Variants in CCSER1 observed in about 807,000 individuals in gnomAD.
CCSER1 encodes the protein serine-rich coiled-coil domain-containing protein 1.
Under a neutral mutation model 82.0 loss-of-function variants are expected in CCSER1, and 41 were observed. That is an observed-to-expected ratio of 0.50 (90% confidence interval 0.39 to 0.65). The LOEUF is 0.65. CCSER1 is among the 30% of genes least tolerant of loss of function. CCSER1 has a pLI of 0.00. For synonymous variants in CCSER1, 414 were observed against 383.9 expected, an observed-to-expected ratio of 1.08 and a Z score of -0.92; for missense variants, 1,119 against 1,064.2, an observed-to-expected ratio of 1.05 and a Z score of -0.72.
At chr4:90,426,016 A>G (rs926551569) in intron 4 of CCSER1, among the ~76,000 whole-genome samples, 3 of 152,106 alleles carry the variant, frequency 2.0e-5, no homozygotes, top group Non-Finnish European at 2.9e-5. Flanking sequence ...ACGTTTTTCC[A>G]TGAAGGATAA....
rs972794114 is a variant in CCSER1, at chr4:91,299,241, A to G, written c.2217+213247A>G. Among the ~76,000 whole-genome samples, 14 of 152,164 alleles carry G rather than the reference A, an allele frequency of 9.2e-5. No individual in the cohort carries two copies. The South Asian group carries it at 2.7e-3, about 29-fold the overall frequency. Reference sequence around the variant, plus strand: ...TGATGAGATTACACTGAATTAAAGCATACTTGTTTTTCTTAATATGCTACA... The same window carrying G: ...TGATGAGATTACACTGAATTAAAGCGTACTTGTTTTTCTTAATATGCTACA... On this transcript the variant is annotated intron_variant, in intron 10 of 10. Transcript: ENST00000509176.
intron 5 of CCSER1, among the ~76,000 whole-genome samples, chr4:90,494,881 A>G (rs1768733769): frequency 6.6e-6 from 1 of 151,706 alleles, no homozygotes. Flanking sequence ...CCTTCAAAAT[A>G]CTAGTCTTTT....
At chr4:90,584,775 C>T (rs1029243457) in intron 5 of CCSER1, among the ~76,000 whole-genome samples, 2 of 151,922 alleles carry the variant, frequency 1.3e-5, no homozygotes, top group Non-Finnish European at 2.9e-5. Context: ...CTATGAAGTA[C>T]GTATTTAACC....
chr4:91,249,899 G>A (rs1362758981), intron 10 of CCSER1, among the ~76,000 whole-genome samples: 1 of 151,120 alleles, frequency 6.6e-6, no homozygotes, highest in Non-Finnish European at 1.5e-5. Context: ...GCAAATTCTT[G>A]ACACATAGTA....
At chr4:91,162,604 C>T (rs1244985969) in intron 10 of CCSER1, among the ~76,000 whole-genome samples, 1 of 152,164 alleles carries the variant, frequency 6.6e-6, no homozygotes, top group African/African-American at 2.4e-5. Context: ...GCCTCAATTT[C>T]AGAGCCTGTT....
intron 6 of CCSER1, among the ~76,000 whole-genome samples, chr4:90,693,050 A>G (rs1162543837): frequency 6.6e-6 from 1 of 151,978 alleles, no homozygotes; most frequent in East Asian, 1.9e-4. Context: ...GTTAAAACTC[A>G]GTAAAGTGTC....
chr4:90,872,512 C>T (rs1766665883), intron 8 of CCSER1, among the ~76,000 whole-genome samples: 2 of 151,992 alleles, frequency 1.3e-5, no homozygotes, highest in Middle Eastern at 3.4e-3. Flanking sequence ...TATACTGTAA[C>T]TTCATTCCAT....
Position 90,932,482 on chromosome 4 carries a change from A to G in CCSER1, c.2172+9035A>G, listed in dbSNP as rs548002933. ...TGAATGAATTATTCATAAGCCAAAG[A>G]AAGTGCTAATATAGAATGAAAAGTA... On this transcript the variant is annotated intron_variant, in intron 9 of 10. Coordinates refer to ENST00000509176, the MANE Select transcript of CCSER1 (RefSeq NM_001145065.2). Among the ~76,000 whole-genome samples, 3 of 152,246 alleles carry G rather than the reference A, an allele frequency of 2.0e-5. No homozygotes were observed. The South Asian group carries it at 6.2e-4, about 32-fold the overall frequency.
intron 10 of CCSER1, among the ~76,000 whole-genome samples, chr4:91,139,748 T>C (rs1254404993): frequency 1.3e-5 from 2 of 152,192 alleles, no homozygotes; most frequent in African/African-American, 2.4e-5. Flanking sequence ...TAAACACTTA[T>C]CTAGTGTCTA....
intron 8 of CCSER1, among the ~76,000 whole-genome samples, chr4:90,866,755 G>A (rs1765777070): frequency 6.6e-6 from 1 of 151,990 alleles, no homozygotes; most frequent in African/African-American, 2.4e-5. Flanking sequence ...GACTGGTTTT[G>A]TGGAAGACAG....
chr4:91,384,330 T>TG (rs1358149427), intron 10 of CCSER1, among the ~76,000 whole-genome samples: 1 of 152,024 alleles, frequency 6.6e-6, no homozygotes, highest in East Asian at 1.9e-4. Context: ...TTAAAGTAAC[T>TG]GGGAAAACAA....
intron 10 of CCSER1, among the ~76,000 whole-genome samples, chr4:91,348,912 T>A (rs12505304): frequency 0.19 from 29,455 of 151,274 alleles, 3,234 homozygotes; most frequent in Middle Eastern, 0.35. Flanking sequence ...TTAATTAATT[T>A]ATTTATTTAT....
chr4:90,130,312 A>G (rs556034365), intron 1 of CCSER1, among the ~76,000 whole-genome samples: 1 of 152,332 alleles, frequency 6.6e-6, no homozygotes, highest in South Asian at 2.1e-4. Context: ...ACCCGTAACA[A>G]TAAGAGATTA....
intron 5 of CCSER1, among the ~76,000 whole-genome samples, chr4:90,538,161 T>C (rs2153634418): frequency 6.6e-6 from 1 of 152,248 alleles, no homozygotes; most frequent in Non-Finnish European, 1.5e-5. Context: ...TGTAAGTCAC[T>C]CCTTCTTTTG....
At chr4:90,187,076 T>C (rs1734745909) in intron 1 of CCSER1, among the ~76,000 whole-genome samples, 1 of 151,970 alleles carries the variant, frequency 6.6e-6, no homozygotes, top group Admixed American at 6.6e-5. Context: ...GGGTAAAATG[T>C]TTGCATTTTA....
chr4:90,240,078 C>A (rs1037347942), intron 1 of CCSER1, among the ~76,000 whole-genome samples: 2 of 152,262 alleles, frequency 1.3e-5, no homozygotes, highest in East Asian at 3.9e-4. Context: ...AGGTGTAATT[C>A]ATCTCACTGG....
At chr4:91,078,075 G>T (rs1258218298) in intron 9 of CCSER1, among the ~76,000 whole-genome samples, 1 of 152,220 alleles carries the variant, frequency 6.6e-6, no homozygotes, top group Admixed American at 6.5e-5. Context: ...TCCCTGTCTG[G>T]CGGCTTTGAA....
At chr4:91,156,971 C>T (rs750506291) in intron 10 of CCSER1, among the ~76,000 whole-genome samples, 3 of 151,882 alleles carry the variant, frequency 2.0e-5, no homozygotes, top group Non-Finnish European at 4.4e-5. Flanking sequence ...CTTCCATGTA[C>T]GACGTTACTG....
At chr4:91,437,692 G>T (rs939891309) in intron 10 of CCSER1, among the ~76,000 whole-genome samples, 7 of 152,354 alleles carry the variant, frequency 4.6e-5, no homozygotes, top group Admixed American at 1.3e-4. Flanking sequence ...CCTCACTCAG[G>T]AAGCGCAAGG....
Sources: allele counts gnomAD v4.1 joint callset (sites outside exome capture counted in the v4.1 genomes callset), GRCh38; gene constraint gnomAD v4.1.1; transcripts MANE v1.5; gene names NCBI Gene and HGNC (gene_info 2026-07-23, HGNC 2026-07-21).